Variants in PDE11A observed in about 807,000 individuals in gnomAD.
PDE11A encodes the protein dual 3',5'-cyclic-AMP and -GMP phosphodiesterase 11A.
In PDE11A, 100 loss-of-function variants were observed where a neutral mutation model predicts 100.5. The observed-to-expected ratio is 1.00, with a 90% CI of 0.85 to 1.18. The LOEUF is 1.18. Among genes scored for constraint, PDE11A ranks in the 50% most tolerant of loss-of-function variants. The pLI, the probability that PDE11A is intolerant of heterozygous loss-of-function variation, is 0.00. For missense variants in PDE11A, 1,141 were observed against 1,152.6 expected, an observed-to-expected ratio of 0.99 and a Z score of 0.15; for synonymous variants, 381 against 420.8, an observed-to-expected ratio of 0.91 and a Z score of 1.16.
rs143421590 is a variant in PDE11A, at chr2:177,916,729, TTTTTA to T, written c.1072-11547_1072-11543del. On this transcript the variant is annotated intron_variant, in intron 2 of 19. Coordinates refer to ENST00000286063, the MANE Select transcript of PDE11A (RefSeq NM_016953.4). ...AGAGGACATTTCAACTTGAAGGTTC[TTTTTA>T]TTTTATTTTATTTTATTATTATTTT... 7.0e-3 allele frequency among the ~76,000 whole-genome samples: 1,040 copies of T among 149,382 alleles called. 12 individuals carry two copies. Among genetic ancestry groups the T allele is most frequent in the African/African-American group, 0.023 (947 of 41,162 alleles).
Position 178,055,616 on chromosome 2 carries a change from G to C in PDE11A, c.912+15910C>G, listed in dbSNP as rs1233020677. Among the ~76,000 whole-genome samples the C allele has an allele frequency of 2.6e-5, 4 of 152,050 alleles. No individual in the cohort carries two copies. The East Asian group carries it at 7.7e-4, about 29-fold the overall frequency. ...AATTTATAGATGGAATTTCTACAAA[G>C]AGAAAATTAATAATGGACCAACTAA... On this transcript the variant is annotated intron_variant, in intron 1 of 19. Coordinates refer to ENST00000286063, the MANE Select transcript of PDE11A (RefSeq NM_016953.4).
At chr2:177,844,823 C>T (rs888986100) in intron 5 of PDE11A, among the ~76,000 whole-genome samples, 30 of 151,970 alleles carry the variant, frequency 2.0e-4, no homozygotes, top group African/African-American at 7.0e-4. Flanking sequence ...TGAGTGGACA[C>T]AGCACATGTT....
intron 5 of PDE11A, among the ~76,000 whole-genome samples, chr2:177,858,305 C>G (rs1159076452): frequency 2.0e-5 from 3 of 151,868 alleles, no homozygotes; most frequent in Admixed American, 2.0e-4. Flanking sequence ...TCAGAGTGAA[C>G]AGGCAACCTA....
chr2:177,899,572 A>T (rs2084666656), intron 3 of PDE11A: 2 of 328,992 alleles, frequency 6.1e-6, no homozygotes, highest in South Asian at 2.8e-5. Flanking sequence ...TTTCACTAAT[A>T]CACATCCCTT....
At chr2:177,658,167 CA>C (rs1240295649) in intron 19 of PDE11A, among the ~76,000 whole-genome samples, 2 of 152,182 alleles carry the variant, frequency 1.3e-5, no homozygotes, top group Non-Finnish European at 2.9e-5. Context: ...AGATGTGTAC[CA>C]GGGGTCCTTC....
intron 12 of PDE11A, among the ~76,000 whole-genome samples, chr2:177,717,661 A>AC (rs2081462512): frequency 6.6e-6 from 1 of 151,888 alleles, no homozygotes; most frequent in Non-Finnish European, 1.5e-5. Flanking sequence ...TTCCCATGTC[A>AC]CCCCCTCCAG....
intron 10 of PDE11A, among the ~76,000 whole-genome samples, chr2:177,729,753 T>G (rs1293047919): frequency 1.3e-5 from 2 of 152,200 alleles, no homozygotes; most frequent in African/African-American, 4.8e-5. Context: ...TTGTAGAATC[T>G]TTTTGCTTCA....
At chr2:177,670,728 A>G (rs1051579504) in intron 17 of PDE11A, among the ~76,000 whole-genome samples, 1 of 152,226 alleles carries the variant, frequency 6.6e-6, no homozygotes, top group African/African-American at 2.4e-5. Context: ...TTGCTCAATC[A>G]CAGATTATAG....
At chr2:177,754,060 G>T (rs965942482) in intron 10 of PDE11A, among the ~76,000 whole-genome samples, 1 of 152,068 alleles carries the variant, frequency 6.6e-6, no homozygotes, top group Admixed American at 6.5e-5. Context: ...CTGTTGCTGG[G>T]TGACTGCGAA....
chr2:177,945,758 GCC>G (rs1339724230), intron 2 of PDE11A, among the ~76,000 whole-genome samples: 3 of 148,846 alleles, frequency 2.0e-5, no homozygotes, highest in African/African-American at 7.5e-5. Context: ...CCGGCCAGCT[GCC>G]CCATCCGGGA....
intron 1 of PDE11A, among the ~76,000 whole-genome samples, chr2:178,029,934 A>C (rs2086523895): frequency 6.6e-6 from 1 of 152,124 alleles, no homozygotes. Flanking sequence ...TCACCATATG[A>C]TGCCTTCCAC....
chr2:177,855,644 T>C (rs1476899792), intron 5 of PDE11A, among the ~76,000 whole-genome samples: 1 of 152,066 alleles, frequency 6.6e-6, no homozygotes, highest in Non-Finnish European at 1.5e-5. Context: ...GGCAGTTCCA[T>C]GGAAACCTCC....
intron 4 of PDE11A, among the ~76,000 whole-genome samples, chr2:177,892,320 A>G (rs2084542945): frequency 6.6e-6 from 1 of 152,156 alleles, no homozygotes; most frequent in Non-Finnish European, 1.5e-5. Flanking sequence ...ATTGCCAGCC[A>G]TTTGCTTCCA....
At chr2:177,824,234 G>A (rs41357848) in intron 6 of PDE11A, among the ~76,000 whole-genome samples, 3,857 of 152,178 alleles carry the variant, frequency 0.025, 83 homozygotes, top group African/African-American at 0.059. Context: ...GAAATGATAC[G>A]AACTCCAAAT....
chr2:177,660,099 C>CTT (rs1553535225), intron 19 of PDE11A, among the ~76,000 whole-genome samples: 124 of 42,270 alleles, frequency 2.9e-3, no homozygotes, highest in South Asian at 6.6e-3. Flanking sequence ...TTCTTTCTTT[C>CTT]TCTCTCTCTC....
chr2:177,641,354 A>G (rs1325755832), intron 19 of PDE11A, among the ~76,000 whole-genome samples: 1 of 151,954 alleles, frequency 6.6e-6, no homozygotes, highest in Non-Finnish European at 1.5e-5. Context: ...TGAAATGCCA[A>G]AATAATCCCA....
At chr2:177,676,550 C>T (rs2080777307) in intron 16 of PDE11A, among the ~76,000 whole-genome samples, 1 of 150,960 alleles carries the variant, frequency 6.6e-6, no homozygotes, top group South Asian at 2.1e-4. Flanking sequence ...CCACAGGAAA[C>T]CCCTCCAGGG....
intron 19 of PDE11A, among the ~76,000 whole-genome samples, chr2:177,647,367 T>C (rs1574094593): frequency 6.6e-6 from 1 of 152,320 alleles, no homozygotes; most frequent in South Asian, 2.1e-4. Context: ...GGTTTACAAA[T>C]ACAGAATTGC....
intron 5 of PDE11A, among the ~76,000 whole-genome samples, chr2:177,842,221 G>A (rs574346315): frequency 8.3e-4 from 126 of 152,310 alleles, no homozygotes; most frequent in African/African-American, 2.7e-3. Context: ...GGGAAGCAGC[G>A]CTGCAGCAGG....
Sources: allele counts gnomAD v4.1 joint callset (sites outside exome capture counted in the v4.1 genomes callset), GRCh38; gene constraint gnomAD v4.1.1; transcripts MANE v1.5; gene names NCBI Gene and HGNC (gene_info 2026-07-23, HGNC 2026-07-21).